Variants in PDZRN4 observed in about 807,000 individuals in gnomAD.
PDZRN4 encodes PDZ domain-containing RING finger protein 4.
Under a neutral mutation model 99.0 loss-of-function variants are expected in PDZRN4, and 70 were observed. The ratio of observed to expected loss-of-function variants is 0.71; its 90% CI spans 0.58 to 0.86. PDZRN4 has a LOEUF of 0.86. Ranked by LOEUF, PDZRN4 falls within the 40% of genes least tolerant of loss-of-function variation. PDZRN4 has a pLI of 0.00. For missense variants in PDZRN4, 1,474 were observed against 1,331.2 expected, an observed-to-expected ratio of 1.11 and a Z score of -1.67; for synonymous variants, 551 against 501.6, an observed-to-expected ratio of 1.10 and a Z score of -1.32.
chr12:41,293,587 C>G (rs1162011784), intron 3 of PDZRN4, among the ~76,000 whole-genome samples: 1 of 152,060 alleles, frequency 6.6e-6, no homozygotes, highest in African/African-American at 2.4e-5. Context: ...TTCGAAAAAG[C>G]AAACTCACCA....
Position 41,563,579 on chromosome 12 carries a change from A to C in PDZRN4, c.1397A>C (p.Glu466Ala). ...GGGGAAGATGTCCAGAATCGAGAAG[A>C]AGCAGTGGCCTTGCTGTCTAACGAT... ...INGEDVQNRE[E>A]AVALLSNDEC... Residue 466 changes from glutamate to alanine, a missense_variant, in exon 8 of 10, where the codon GAA becomes GCA. By Grantham distance (107) the Glu-to-Ala change is moderately radical. Coordinates refer to ENST00000402685, the MANE Select transcript of PDZRN4 (RefSeq NM_001164595.2). 1 of 1,613,452 alleles carries C rather than the reference A, an allele frequency of 6.2e-7. No individual in the cohort carries two copies. The highest frequency in any genetic ancestry group is 8.5e-7 in the Non-Finnish European group (1 of 1,179,504).
chr12:41,406,858 C>CAAAAA (rs758320141), intron 3 of PDZRN4, among the ~76,000 whole-genome samples: 5 of 46,896 alleles, frequency 1.1e-4, no homozygotes, highest in South Asian at 7.9e-4. Flanking sequence ...AACTCCGTCT[C>CAAAAA]AAAAAAAAAA....
chr12:41,431,830 C>T (rs1952588660), intron 3 of PDZRN4, among the ~76,000 whole-genome samples: 1 of 152,082 alleles, frequency 6.6e-6, no homozygotes, highest in Non-Finnish European at 1.5e-5. Flanking sequence ...TGAGCTATAA[C>T]CAAGGAGGGG....
intron 3 of PDZRN4, among the ~76,000 whole-genome samples, chr12:41,217,932 C>T (rs1430595421): frequency 3.9e-5 from 6 of 152,024 alleles, no homozygotes; most frequent in African/African-American, 1.2e-4. Context: ...TCCCACAGAG[C>T]ACTGCCTTCC....
At chr12:41,555,657 G>C (rs771739354) in intron 6 of PDZRN4, 41 bp from the exon 7 acceptor site, 1 of 1,490,652 alleles carries the variant, frequency 6.7e-7, no homozygotes, top group Non-Finnish European at 9.3e-7. Context: ...TTGAGGGAAT[G>C]TTTCATACCC....
intron 5 of PDZRN4, among the ~76,000 whole-genome samples, chr12:41,510,285 C>G (rs1024412704): frequency 2.6e-5 from 4 of 151,956 alleles, no homozygotes; most frequent in Non-Finnish European, 4.4e-5. Context: ...TTCTAATTTT[C>G]ATTGATAAAC....
chr12:41,220,227 G>A (rs748371767), intron 3 of PDZRN4, among the ~76,000 whole-genome samples: 12 of 152,132 alleles, frequency 7.9e-5, no homozygotes, highest in East Asian at 1.9e-4. Context: ...ATCAAGTGTC[G>A]GCTGGGTTAG....
chr12:41,294,673 G>A (rs1248319907), intron 3 of PDZRN4, among the ~76,000 whole-genome samples: 3 of 152,052 alleles, frequency 2.0e-5, no homozygotes, highest in East Asian at 1.9e-4. Flanking sequence ...TGAGCTCAAC[G>A]AATCACATTT....
chr12:41,500,571 C>T (rs935219508), intron 3 of PDZRN4, among the ~76,000 whole-genome samples: 11 of 151,974 alleles, frequency 7.2e-5, no homozygotes. Flanking sequence ...TTGTTTTGTT[C>T]ATTGATAACC....
At chr12:41,561,609 C>CTATATA (rs3075048) in intron 7 of PDZRN4, among the ~76,000 whole-genome samples, 4 of 145,190 alleles carry the variant, frequency 2.8e-5, no homozygotes, top group Non-Finnish European at 6.0e-5. Flanking sequence ...TATATAAAGA[C>CTATATA]TATATATATA....
chr12:41,572,625 T>G lies in PDZRN4; in HGVS notation c.1846T>G (p.Cys616Gly). Residue 616 changes from cysteine to glycine, a missense_variant, in exon 10 of 10, where the codon TGC becomes GGC. Physicochemically the swap from Cys to Gly is radical, Grantham distance 159. Coordinates refer to ENST00000402685, the MANE Select transcript of PDZRN4 (RefSeq NM_001164595.2). ...ATCTGGTGAATACATTGACTCAGAC[T>G]GCATTGGCAACCCAGATGAGGACTG... is the stretch of plus-strand genomic sequence containing the variant. ...LVSGEYIDSD[C>G]IGNPDEDCER... The G allele has an allele frequency of 6.2e-7, 1 of 1,614,166 alleles. No individual in the cohort carries two copies. The highest frequency in any genetic ancestry group is 1.1e-5 in the South Asian group (1 of 91,082).
Position 41,563,613 on chromosome 12 carries a change from G to C in PDZRN4, c.1431G>C (p.Lys477Asn). ...AVALLSNDEC[K>N]RIVLLVARPE... ...CCTTGCTGTCTAACGATGAGTGTAA[G>C]AGAATCGTGCTGCTTGTTGCAAGGC... The change falls in exon 8 of 10, where the codon AAG (lysine) becomes AAC (asparagine). Residue 477 changes from lysine (K) to asparagine (N), a missense_variant. Physicochemically the swap from Lys to Asn is moderately conservative, Grantham distance 94 (BLOSUM62 0). Coordinates refer to ENST00000402685, the MANE Select transcript of PDZRN4 (RefSeq NM_001164595.2). 4 of 1,613,488 alleles carry C rather than the reference G, an allele frequency of 2.5e-6. No homozygotes were observed. In the South Asian group the frequency reaches 3.3e-5, roughly 13 times the overall value.
At chr12:41,543,465 A>T (rs1339120112) in intron 5 of PDZRN4, among the ~76,000 whole-genome samples, 1 of 152,194 alleles carries the variant, frequency 6.6e-6, no homozygotes, top group Non-Finnish European at 1.5e-5. Flanking sequence ...TTTGTAGATA[A>T]TACCTACAAA....
At chr12:41,555,524 C>T (rs1424063530) in intron 6 of PDZRN4, among the ~76,000 whole-genome samples, 174 bp from the exon 7 acceptor site, 1 of 152,122 alleles carries the variant, frequency 6.6e-6, no homozygotes, top group Non-Finnish European at 1.5e-5. Flanking sequence ...TAAAATAGCT[C>T]ATTTACATTT....
chr12:41,374,924 G>A (rs138729877), intron 3 of PDZRN4, among the ~76,000 whole-genome samples: 1 of 152,164 alleles, frequency 6.6e-6, no homozygotes. Context: ...CCTCTTCTGA[G>A]ATTAGGTTAT....
intron 5 of PDZRN4, among the ~76,000 whole-genome samples, chr12:41,532,871 A>AT (rs1938683759): frequency 6.6e-6 from 1 of 152,166 alleles, no homozygotes; most frequent in African/African-American, 2.4e-5. Context: ...TTTTGCTATT[A>AT]TTATGTTGAG....
chr12:41,456,968 G>A lies in PDZRN4; in HGVS notation c.844-49488G>A, dbSNP rs150889160. Reference sequence around the variant, plus strand: ...TCATGCCTAAGTTTGCAGCCATAGTGTGTGGGCAAAGGGTGATGGCCATAC... The same window carrying A: ...TCATGCCTAAGTTTGCAGCCATAGTATGTGGGCAAAGGGTGATGGCCATAC... On this transcript the variant is annotated intron_variant, in intron 3 of 9. Transcript: ENST00000402685. 1.4e-4 allele frequency among the ~76,000 whole-genome samples: 22 copies of A among 152,306 alleles called. No individual in the cohort carries two copies. The East Asian group carries it at 4.2e-3, about 29-fold the overall frequency.
intron 3 of PDZRN4, among the ~76,000 whole-genome samples, chr12:41,489,801 G>C (rs930483785): frequency 1.3e-5 from 2 of 151,696 alleles, no homozygotes; most frequent in African/African-American, 4.8e-5. Context: ...TATTTCACAA[G>C]GGCCAAGTTC....
chr12:41,448,749 A>G (rs1952750510), intron 3 of PDZRN4, among the ~76,000 whole-genome samples: 1 of 152,166 alleles, frequency 6.6e-6, no homozygotes. Context: ...ATTTTAAGAC[A>G]CATATTAATT....
Sources: gnomAD v4.1 joint callset for allele counts (sites outside exome capture counted in the v4.1 genomes callset) on GRCh38, gnomAD v4.1.1 for gene constraint, MANE v1.5 for transcripts, NCBI Gene and HGNC (gene_info 2026-07-23, HGNC 2026-07-21) for gene names.